Variants in CHL1 observed in about 807,000 individuals in gnomAD.
CHL1 encodes cell adhesion molecule L1 like.
A neutral mutation model predicts 141.9 loss-of-function variants in CHL1; 96 were observed. That is an observed-to-expected ratio of 0.68 (90% CI 0.57 to 0.80). CHL1 has a LOEUF of 0.80. Among genes scored for constraint, CHL1 ranks in the 30% least tolerant of loss-of-function variants. The pLI is 0.00. For synonymous variants in CHL1, 613 were observed against 502.2 expected (o/e 1.22, Z -2.95); for missense variants, 1,820 against 1,457.2 (o/e 1.25, Z -4.05).
intron 1 of CHL1, among the ~76,000 whole-genome samples, chr3:219,098 G>A (rs574879074): frequency 5.9e-5 from 9 of 151,926 alleles, no homozygotes; most frequent in Non-Finnish European, 1.2e-4. Context: ...GCAGTGAGCC[G>A]AGATCATGCC....
chr3:263,246 G>T (rs1187253308), intron 2 of CHL1, among the ~76,000 whole-genome samples: 3 of 152,022 alleles, frequency 2.0e-5, no homozygotes, highest in Admixed American at 6.6e-5. Flanking sequence ...TGAACTCCTT[G>T]CCAGTTGTAA....
intron 1 of CHL1, among the ~76,000 whole-genome samples, 173 bp from the exon 2 acceptor site, chr3:244,440 T>A (rs1417164433): frequency 1.3e-5 from 2 of 152,168 alleles, no homozygotes; most frequent in Non-Finnish European, 1.5e-5. Flanking sequence ...GCAGGACCCC[T>A]TTTTTAGCAA....
At chr3:316,463 G>A (rs1055594801) in intron 2 of CHL1, among the ~76,000 whole-genome samples, 5 of 151,574 alleles carry the variant, frequency 3.3e-5, no homozygotes, top group Non-Finnish European at 7.4e-5. Flanking sequence ...GAAGTGGTTG[G>A]CAGGGATGTT....
At chr3:227,055 GA>G (rs1192024659) in intron 1 of CHL1, among the ~76,000 whole-genome samples, 2 of 152,134 alleles carry the variant, frequency 1.3e-5, no homozygotes, top group Non-Finnish European at 2.9e-5. Context: ...GTTTATGCTT[GA>G]TAAAAAAGTA....
chr3:272,206 T>A (rs1300743691), intron 2 of CHL1, among the ~76,000 whole-genome samples: 18 of 152,226 alleles, frequency 1.2e-4, no homozygotes, highest in Admixed American at 1.2e-3. Flanking sequence ...CACATTACAT[T>A]TGTATAAGCA....
intron 2 of CHL1, among the ~76,000 whole-genome samples, chr3:285,992 A>G (rs138259807): frequency 3.6e-4 from 55 of 152,316 alleles, no homozygotes; most frequent in African/African-American, 1.2e-3. Flanking sequence ...TCAAGATTGA[A>G]CATAATTACA....
intron 1 of CHL1, among the ~76,000 whole-genome samples, chr3:217,977 G>A (rs181201022): frequency 1.3e-5 from 2 of 152,246 alleles, no homozygotes; most frequent in East Asian, 3.9e-4. Flanking sequence ...TTATGAGCAA[G>A]GCTGTTTTAT....
chr3:258,729 A>G (rs895492576), intron 2 of CHL1, among the ~76,000 whole-genome samples: 1 of 152,088 alleles, frequency 6.6e-6, no homozygotes, highest in African/African-American at 2.4e-5. Context: ...CTTGGATACA[A>G]TTTTCCAGGT....
Position 360,305 on chromosome 3 carries a change from T to C in CHL1, c.1187T>C (p.Val396Ala), listed in dbSNP as rs934645867. The C allele has an allele frequency of 6.2e-7, 1 of 1,613,854 alleles. No individual in the cohort carries two copies. The highest frequency in any genetic ancestry group is 1.1e-5 in the South Asian group (1 of 91,074). The change falls in exon 12 of 28, where the codon GTT (valine) becomes GCT (alanine). Residue 396 changes from valine to alanine, a missense_variant. Physicochemically the swap from Val to Ala is moderately conservative, Grantham distance 64. Transcript: ENST00000256509. ...PVDNHPFAGD[V>A]VFPREISFTN... The stretch of plus-strand genomic sequence containing the variant: ...TCAGATCATCCATTTGCTGGTGATG[T>C]TGTCTTCCCCAGGGAAATCAGTTTT...
chr3:230,434 T>C (rs772589329), intron 1 of CHL1, among the ~76,000 whole-genome samples: 4 of 152,328 alleles, frequency 2.6e-5, no homozygotes, highest in South Asian at 2.1e-4. Context: ...ATTTTCTTTC[T>C]AGTGAAAGAC....
chr3:289,271 A>G (rs1219136945), intron 2 of CHL1, among the ~76,000 whole-genome samples: 1 of 152,198 alleles, frequency 6.6e-6, no homozygotes, highest in Non-Finnish European at 1.5e-5. Flanking sequence ...AGACATAAAA[A>G]CTTGATATCA....
At chr3:281,465 C>G (rs1443089790) in intron 2 of CHL1, among the ~76,000 whole-genome samples, 1 of 151,932 alleles carries the variant, frequency 6.6e-6, no homozygotes, top group Non-Finnish European at 1.5e-5. Context: ...GCCCAGAAAT[C>G]TTCTCTTGTT....
At chr3:215,387 T>A (rs977242595) in intron 1 of CHL1, among the ~76,000 whole-genome samples, 7 of 152,134 alleles carry the variant, frequency 4.6e-5, no homozygotes, top group Non-Finnish European at 1.0e-4. Flanking sequence ...ACAGAGTTAT[T>A]AGTGACTCCG....
chr3:231,440 A>G (rs1250593836), intron 1 of CHL1, among the ~76,000 whole-genome samples: 2 of 152,128 alleles, frequency 1.3e-5, no homozygotes, highest in African/African-American at 4.8e-5. Context: ...CCCATAGTTG[A>G]ACTAAGTTTC....
intron 15 of CHL1, among the ~76,000 whole-genome samples, chr3:376,184 G>A (rs747144709): frequency 1.1e-4 from 17 of 152,154 alleles, no homozygotes; most frequent in Non-Finnish European, 2.5e-4. Flanking sequence ...ATGTGAGGGA[G>A]GAATAAGTGA....
intron 1 of CHL1, among the ~76,000 whole-genome samples, chr3:225,711 A>G (rs1701258993): frequency 1.3e-5 from 2 of 152,100 alleles, no homozygotes; most frequent in Non-Finnish European, 2.9e-5. Flanking sequence ...AGCGAGGAAC[A>G]GTTAAGAATA....
intron 1 of CHL1, among the ~76,000 whole-genome samples, chr3:209,991 A>G (rs538723451): frequency 1.3e-5 from 2 of 152,056 alleles, no homozygotes; most frequent in Non-Finnish European, 2.9e-5. Flanking sequence ...TATTTTCATC[A>G]TTTGTTTTGT....
intron 10 of CHL1, among the ~76,000 whole-genome samples, chr3:353,595 G>T (rs897721405): frequency 1.3e-5 from 2 of 152,120 alleles, no homozygotes; most frequent in Non-Finnish European, 2.9e-5. Context: ...ACTTGCCAAG[G>T]CTAGTTGTGT....
At chr3:386,611 A>T (rs1045373077) in intron 19 of CHL1, among the ~76,000 whole-genome samples, 6 of 152,216 alleles carry the variant, frequency 3.9e-5, no homozygotes, top group Non-Finnish European at 7.3e-5. Flanking sequence ...CAGCAAAATA[A>T]CACATTTCAA....
Sources: gnomAD v4.1 joint callset for allele counts (sites outside exome capture counted in the v4.1 genomes callset) on GRCh38, gnomAD v4.1.1 for gene constraint, MANE v1.5 for transcripts, NCBI Gene and HGNC (gene_info 2026-07-23, HGNC 2026-07-21) for gene names.